The following VRK3 variants were observed in gnomAD, a reference collection of about 807,000 sequenced individuals.
VRK3 encodes serine/threonine-protein kinase VRK3.
Under a neutral mutation model 60.4 loss-of-function variants are expected in VRK3, and 50 were observed. The ratio of observed to expected loss-of-function variants is 0.83; its 90% CI spans 0.66 to 1.05. The LOEUF (loss-of-function observed/expected upper bound fraction) is 1.05, where lower values mean the gene tolerates loss of function less well. Ranked by LOEUF, VRK3 falls within the 50% of genes least tolerant of loss-of-function variation. The pLI, the probability that VRK3 is intolerant of heterozygous loss-of-function variation, is 0.00. For missense variants in VRK3, 549 were observed against 585.3 expected (o/e 0.94, Z 0.64); for synonymous variants, 246 against 227.8 (o/e 1.08, Z -0.72).
chr19:50,007,956 C>G, intron 4 of VRK3, 130 bp from the exon 5 acceptor site: 1 of 1,337,508 alleles, frequency 7.5e-7, no homozygotes, highest in Middle Eastern at 2.6e-4. Context: ...CTGGGACCTT[C>G]TATGAGTCAG....
chr19:49,992,911 A>C lies in VRK3; in HGVS notation c.912T>G (p.His304Gln). Residue 304 changes from histidine (H) to glutamine (Q), a missense_variant, in exon 10 of 15, where the codon CAT becomes CAG. By Grantham distance (24) the His-to-Gln change is conservative. Coordinates refer to ENST00000316763, the MANE Select transcript of VRK3 (RefSeq NM_016440.4). Reference sequence around the variant, plus strand: ...AGATATTTTCAGCTGTCACATTTCCATGAACATACTCATTCTCATGGAGGA... The same window carrying C: ...AGATATTTTCAGCTGTCACATTTCCCTGAACATACTCATTCTCATGGAGGA... ...LEFLHENEYV[H>Q]GNVTAENIFV... is the part of the protein sequence containing the mutation. The C allele has an allele frequency of 6.2e-7, 1 of 1,613,866 alleles. No individual in the cohort carries two copies. Among genetic ancestry groups the C allele is most frequent in the African/African-American group, 1.3e-5 (1 of 75,072 alleles).
At chr19:50,007,533 C>T (rs201021162) in intron 5 of VRK3, 36 bp downstream of exon 5, 490 of 1,608,690 alleles carry the variant, frequency 3.0e-4, no homozygotes, top group Middle Eastern at 5.0e-4. Flanking sequence ...GGTGCTGAGA[C>T]GACCCAGTCC....
intron 2 of VRK3, chr19:50,019,199 A>T (rs917670738): frequency 2.8e-5 from 4 of 145,132 alleles, no homozygotes; most frequent in Non-Finnish European, 4.5e-5. Context: ...AAAAAAAATT[A>T]AACAAAAATT....
intron 1 of VRK3, among the ~76,000 whole-genome samples, chr19:50,023,031 G>A (rs538857646): frequency 6.6e-5 from 10 of 152,128 alleles, no homozygotes; most frequent in East Asian, 5.8e-4. Flanking sequence ...TGACAAGAAC[G>A]TTTCTTCCCC....
At chr19:49,986,354 T>C (rs555633460) in intron 12 of VRK3, 1 of 153,176 alleles carries the variant, frequency 6.5e-6, no homozygotes, top group East Asian at 1.9e-4. Context: ...ATATATAGTT[T>C]AAGGACACAG....
intron 12 of VRK3, among the ~76,000 whole-genome samples, chr19:49,986,025 G>T (rs904970695): frequency 2.0e-5 from 3 of 152,336 alleles, no homozygotes; most frequent in South Asian, 2.1e-4. Flanking sequence ...GCAGTGCCTG[G>T]CACAGACAAG....
chr19:50,007,909 T>G, intron 4 of VRK3, 83 bp from the exon 5 acceptor site: 1 of 1,567,574 alleles, frequency 6.4e-7, no homozygotes, highest in Non-Finnish European at 8.7e-7. Flanking sequence ...CGCAAAATAC[T>G]GTTCCTTTAC....
intron 2 of VRK3, among the ~76,000 whole-genome samples, chr19:50,018,571 G>A (rs2077112986): frequency 6.6e-6 from 1 of 152,192 alleles, no homozygotes; most frequent in Admixed American, 6.5e-5. Context: ...AAGGAGTCAT[G>A]TAAGACATCT....
chr19:49,979,447 T>C (rs956120869), intron 13 of VRK3, among the ~76,000 whole-genome samples: 1 of 152,136 alleles, frequency 6.6e-6, no homozygotes, highest in Admixed American at 6.5e-5. Flanking sequence ...CAGGCACCAG[T>C]AGAAGGGCAT....
intron 12 of VRK3, among the ~76,000 whole-genome samples, chr19:49,985,811 A>G (rs2076505187): frequency 6.6e-6 from 1 of 152,224 alleles, no homozygotes; most frequent in South Asian, 2.1e-4. Context: ...AGGAACCACC[A>G]GTTCACCTCA....
At position 49,995,202 on chromosome 19, in the gene VRK3, C is replaced by G; in HGVS notation, c.753G>C (p.Gln251His). The part of the protein sequence containing the change: ...IPTCMGFGVH[Q>H]DKYRFLVLPS... Reference sequence around the variant, plus strand: ...GCAGAGCAGCTCACCTGTATTTGTCCTGGTGAACACCGAAACCCATGCAGG... The same window carrying G: ...GCAGAGCAGCTCACCTGTATTTGTCGTGGTGAACACCGAAACCCATGCAGG... Residue 251 changes from glutamine to histidine, a missense_variant, in exon 8 of 15, where the codon CAG (glutamine) becomes CAC (histidine). Physicochemically the swap from Gln to His is conservative, Grantham distance 24. Transcript: ENST00000316763. 6.2e-7 allele frequency: 1 copy of G among 1,614,196 alleles called. No homozygotes were observed. The highest frequency in any genetic ancestry group is 8.5e-7 in the Non-Finnish European group (1 of 1,180,032).
chr19:49,985,238 C>T (rs55780989), intron 12 of VRK3, among the ~76,000 whole-genome samples: 7,965 of 152,224 alleles, frequency 0.052, 683 homozygotes, highest in African/African-American at 0.18. Flanking sequence ...TCAAAAGAAA[C>T]CTGTCTCACC....
At chr19:50,010,075 T>C (rs543722442) in intron 3 of VRK3, among the ~76,000 whole-genome samples, 19 of 144,676 alleles carry the variant, frequency 1.3e-4, no homozygotes, top group East Asian at 2.1e-4. Context: ...CACACACACA[T>C]ATACACACAT....
intron 14 of VRK3, 163 bp downstream of exon 14, chr19:49,978,920 G>T: frequency 3.3e-6 from 2 of 605,286 alleles, no homozygotes; most frequent in South Asian, 3.5e-5. Flanking sequence ...ATTCCTTGAG[G>T]CTGGGAAGTT....
At chr19:50,001,459 C>T (rs962544656) in intron 5 of VRK3, 1 of 152,492 alleles carries the variant, frequency 6.6e-6, no homozygotes, top group Admixed American at 6.5e-5. Flanking sequence ...CTCTCCTGGC[C>T]CAACACGGAC....
chr19:50,006,265 G>A (rs528573738), intron 5 of VRK3, among the ~76,000 whole-genome samples: 2 of 151,750 alleles, frequency 1.3e-5, no homozygotes, highest in East Asian at 1.9e-4. Flanking sequence ...AGCCGAGATC[G>A]TGCCACTGCA....
chr19:50,000,808 T>C lies in VRK3; in HGVS notation c.594A>G (p.Gln198=), dbSNP rs1232537540. Reference sequence around the variant, plus strand: ...CACTTACCAGTTTGAGTGAGAACTTTTGCTTCTGTGGTCCTGAGTCACAGG... The same window carrying C: ...CACTTACCAGTTTGAGTGAGAACTTCTGCTTCTGTGGTCCTGAGTCACAGG... ...TLTCDSGPQK[Q]KFSLKLDAKD... Residue 198 remains glutamine (Q), a synonymous_variant, in exon 6 of 15, where the codon CAA becomes CAG. Coordinates refer to ENST00000316763, the MANE Select transcript of VRK3 (RefSeq NM_016440.4). The C allele has an allele frequency of 6.2e-7, 1 of 1,613,788 alleles. No individual in the cohort carries two copies. Among genetic ancestry groups the C allele is most frequent in the East Asian group, 2.2e-5 (1 of 44,874 alleles).
Position 49,989,579 on chromosome 19 carries a change from G to A in VRK3, c.1096+60C>T, listed in dbSNP as rs1687548420. 5.1e-6 allele frequency: 8 copies of A among 1,554,130 alleles called. No individual in the cohort carries two copies. In the South Asian group the frequency reaches 9.8e-5, roughly 19 times the overall value. Reference sequence around the variant, plus strand: ...TGCTGTCTCTGGCTGTGAACTCCTAGAGCTGCCCTTGTATAAGAAGCATCT... The same window carrying A: ...TGCTGTCTCTGGCTGTGAACTCCTAAAGCTGCCCTTGTATAAGAAGCATCT... On this transcript the variant is annotated intron_variant, in intron 11 of 14. Coordinates refer to ENST00000316763, the MANE Select transcript of VRK3 (RefSeq NM_016440.4).
chr19:50,020,201 T>C (rs954406383), intron 2 of VRK3, among the ~76,000 whole-genome samples: 3 of 152,052 alleles, frequency 2.0e-5, no homozygotes, highest in African/African-American at 7.2e-5. Context: ...CCACCATACC[T>C]AGCTAATTTT....
Sources: allele counts gnomAD v4.1 joint callset (sites outside exome capture counted in the v4.1 genomes callset), GRCh38; gene constraint gnomAD v4.1.1; transcripts MANE v1.5; gene names NCBI Gene and HGNC (gene_info 2026-07-23, HGNC 2026-07-21).